Variants in FAM107B observed in about 807,000 individuals in gnomAD.
The protein encoded by FAM107B is protein FAM107B.
In FAM107B, 21 loss-of-function variants were observed where a neutral mutation model predicts 31.5. That is an observed-to-expected ratio of 0.67 (90% CI 0.47 to 0.96). The LOEUF (loss-of-function observed/expected upper bound fraction) is 0.96, where lower values mean the gene tolerates loss of function less well. FAM107B is among the 40% of genes least tolerant of loss of function. FAM107B has a pLI of 0.00. For synonymous variants in FAM107B, 157 were observed against 141.5 expected (o/e 1.11, Z -0.78); for missense variants, 452 against 377.1 (o/e 1.20, Z -1.64).
At chr10:14,691,641 C>A (rs932188778) in intron 1 of FAM107B, among the ~76,000 whole-genome samples, 3 of 152,110 alleles carry the variant, frequency 2.0e-5, no homozygotes, top group African/African-American at 7.2e-5. Context: ...TGCCTGTAAT[C>A]CTAGCCCTTT....
At chr10:14,571,459 C>G (rs1424464251) in intron 2 of FAM107B, among the ~76,000 whole-genome samples, 1 of 151,770 alleles carries the variant, frequency 6.6e-6, no homozygotes, top group African/African-American at 2.4e-5. Flanking sequence ...TTAGTGAATC[C>G]AAAAAGAGTT....
chr10:14,723,895 G>C (rs908743499), intron 1 of FAM107B: 1 of 753,180 alleles, frequency 1.3e-6, no homozygotes, highest in African/African-American at 1.7e-5. Flanking sequence ...CTTCTCCCAG[G>C]TCCTCTTCAG....
At chr10:14,653,375 C>T (rs1853951539) in intron 2 of FAM107B, among the ~76,000 whole-genome samples, 1 of 152,208 alleles carries the variant, frequency 6.6e-6, no homozygotes. Flanking sequence ...AGGTGCCAGG[C>T]ACACAGCCAG....
chr10:14,602,756 T>A (rs911751228), intron 2 of FAM107B: 1 of 152,208 alleles, frequency 6.6e-6, no homozygotes, highest in Non-Finnish European at 1.5e-5. Context: ...TCCATGAAAC[T>A]TTTTTGTCAG....
intron 1 of FAM107B, among the ~76,000 whole-genome samples, chr10:14,728,338 T>C (rs1012382799): frequency 1.3e-5 from 2 of 151,838 alleles, no homozygotes; most frequent in African/African-American, 2.4e-5. Context: ...GGGGTGTGTG[T>C]GTGTGTGTGT....
chr10:14,723,199 T>C, intron 1 of FAM107B: 1 of 523,484 alleles, frequency 1.9e-6, no homozygotes, highest in South Asian at 1.4e-5. Flanking sequence ...TCCTAACCAT[T>C]CAGTGGCCTG....
intron 1 of FAM107B, among the ~76,000 whole-genome samples, chr10:14,735,304 G>T (rs973637077): frequency 1.3e-5 from 2 of 149,090 alleles, no homozygotes; most frequent in Non-Finnish European, 3.0e-5. Context: ...TTTTTTTTTA[G>T]CCCATCAGCT....
intron 1 of FAM107B, among the ~76,000 whole-genome samples, chr10:14,694,369 A>G (rs2768734): frequency 0.026 from 3,900 of 151,892 alleles, 164 homozygotes; most frequent in African/African-American, 0.089. Context: ...CTGCACTCTC[A>G]CCGATATTTG....
chr10:14,693,638 C>T (rs1021512058), intron 1 of FAM107B, among the ~76,000 whole-genome samples: 1 of 152,064 alleles, frequency 6.6e-6, no homozygotes, highest in African/African-American at 2.4e-5. Flanking sequence ...CTAGCAGGAA[C>T]GGCAAATACA....
In FAM107B at chr10:14,774,455, T is replaced by C; in HGVS notation, c.209A>G (p.Glu70Gly). Residue 70 changes from glutamate (E) to glycine (G), a missense_variant, in exon 1 of 5, where the codon GAA (glutamate) becomes GGA (glycine). By Grantham distance (98) the Glu-to-Gly change is moderately conservative. Coordinates refer to ENST00000181796, the MANE Select transcript of FAM107B (RefSeq NM_031453.4). ...AGRQPRHPSA[E>G]GAPEKRQDSS... is the part of the protein sequence containing the mutation. ...ATCTTGCCTTTTCTCTGGAGCTCCT[T>C]CTGCGCTTGGGTGTCTTGGCTGTCT... The C allele has an allele frequency of 6.2e-7, 1 of 1,614,186 alleles. No individual in the cohort carries two copies. The highest frequency in any genetic ancestry group is 8.5e-7 in the Non-Finnish European group (1 of 1,180,028).
chr10:14,582,375 C>CTTT (rs71388188), intron 2 of FAM107B, among the ~76,000 whole-genome samples: 2,970 of 111,986 alleles, frequency 0.027, 162 homozygotes, highest in African/African-American at 0.042. Context: ...TTTTTCTTTT[C>CTTT]TTTTTTTTTT....
chr10:14,530,534 A>C lies in FAM107B; in HGVS notation c.470-19T>G. The stretch of plus-strand genomic sequence containing the variant: ...GGGCTGTCTGAAAGAGAAAGATGAG[A>C]AACACTCATTTGCAGTTTTTGCTAA... On this transcript the variant is annotated intron_variant, in intron 2 of 4. Transcript: ENST00000181796. 1 of 1,609,706 alleles carries C rather than the reference A, an allele frequency of 6.2e-7. No homozygotes were observed. The highest frequency in any genetic ancestry group is 8.5e-7 in the Non-Finnish European group (1 of 1,178,992).
chr10:14,599,142 C>A (rs1304517104), intron 2 of FAM107B, among the ~76,000 whole-genome samples: 1 of 152,202 alleles, frequency 6.6e-6, no homozygotes, highest in Non-Finnish European at 1.5e-5. Context: ...GTCGGAAGAG[C>A]CAGTCTGCAA....
intron 2 of FAM107B, among the ~76,000 whole-genome samples, chr10:14,592,352 G>T (rs576858581): frequency 3.9e-5 from 6 of 152,194 alleles, no homozygotes; most frequent in Non-Finnish European, 7.4e-5. Context: ...CAGCAGGTTC[G>T]TAGCAACTCT....
chr10:14,695,395 C>T (rs749762622), intron 1 of FAM107B, among the ~76,000 whole-genome samples: 2 of 152,150 alleles, frequency 1.3e-5, no homozygotes, highest in African/African-American at 2.4e-5. Context: ...TGTTTAATTA[C>T]ATAGCTTTAT....
chr10:14,655,416 A>G (rs1447292954), intron 2 of FAM107B, among the ~76,000 whole-genome samples: 2 of 152,152 alleles, frequency 1.3e-5, no homozygotes, highest in African/African-American at 4.8e-5. Flanking sequence ...AGCCTCACAA[A>G]TATTTTGTTT....
chr10:14,696,657 G>A (rs1392061639), intron 1 of FAM107B, among the ~76,000 whole-genome samples: 1 of 152,048 alleles, frequency 6.6e-6, no homozygotes, highest in Admixed American at 6.6e-5. Context: ...GGGAGGTTTC[G>A]ATTACTTCTT....
chr10:14,536,098 T>C (rs1847578530), intron 2 of FAM107B, among the ~76,000 whole-genome samples: 1 of 152,258 alleles, frequency 6.6e-6, no homozygotes. Flanking sequence ...TGGTTCCATG[T>C]CTGCATATTT....
At chr10:14,624,544 G>C (rs1853104130) in intron 2 of FAM107B, among the ~76,000 whole-genome samples, 1 of 152,062 alleles carries the variant, frequency 6.6e-6, no homozygotes, top group Admixed American at 6.6e-5. Flanking sequence ...GCTGAGGCAG[G>C]AGAATTGCTT....
Sources: gnomAD v4.1 joint callset for allele counts (sites outside exome capture counted in the v4.1 genomes callset) on GRCh38, gnomAD v4.1.1 for gene constraint, MANE v1.5 for transcripts, NCBI Gene and HGNC (gene_info 2026-07-23, HGNC 2026-07-21) for gene names.